CDH22: variants seen among roughly 807,000 people sequenced by gnomAD.
The protein encoded by CDH22 is cadherin 22, also known as cadherin-22.
Under a neutral mutation model 58.4 loss-of-function variants are expected in CDH22, and 30 were observed. The ratio of observed to expected loss-of-function variants is 0.51; its 90% confidence interval spans 0.38 to 0.70. CDH22 has a LOEUF of 0.70. CDH22 is among the 30% of genes least tolerant of loss of function. The pLI is 0.00. For synonymous variants in CDH22, 513 were observed against 558.2 expected, an observed-to-expected ratio of 0.92 and a Z score of 1.14; for missense variants, 1,014 against 1,233.9, an observed-to-expected ratio of 0.82 and a Z score of 2.67.
chr20:46,187,577 C>T (rs941804065), intron 8 of CDH22, among the ~76,000 whole-genome samples: 11 of 152,034 alleles, frequency 7.2e-5, no homozygotes, highest in Non-Finnish European at 1.3e-4. Context: ...ACCCTCACCA[C>T]CACCACCAAC....
At chr20:46,302,320 C>G (rs2086655848) in intron 1 of CDH22, among the ~76,000 whole-genome samples, 1 of 152,138 alleles carries the variant, frequency 6.6e-6, no homozygotes, top group African/African-American at 2.4e-5. Flanking sequence ...GGTTTGGCAG[C>G]ATCCCTGGCC....
At chr20:46,283,133 G>A (rs2086558478) in intron 1 of CDH22, among the ~76,000 whole-genome samples, 1 of 152,250 alleles carries the variant, frequency 6.6e-6, no homozygotes, top group Non-Finnish European at 1.5e-5. Flanking sequence ...GTTATGGCAA[G>A]AAGCATAACT....
chr20:46,242,771 G>A (rs2086301395), intron 2 of CDH22, among the ~76,000 whole-genome samples: 1 of 152,146 alleles, frequency 6.6e-6, no homozygotes, highest in Admixed American at 6.5e-5. Context: ...TGTACTACCT[G>A]GAAATAAGCC....
At chr20:46,292,978 A>G (rs969649083) in intron 1 of CDH22, among the ~76,000 whole-genome samples, 3 of 151,730 alleles carry the variant, frequency 2.0e-5, no homozygotes, top group Non-Finnish European at 2.9e-5. Flanking sequence ...CTAGACTGAA[A>G]GAGTCCTTGC....
intron 10 of CDH22, among the ~76,000 whole-genome samples, chr20:46,181,890 C>T (rs1320471782): frequency 6.6e-6 from 1 of 151,320 alleles, no homozygotes; most frequent in East Asian, 1.9e-4. Context: ...AATCTTGGCT[C>T]ACTACAACCT....
intron 1 of CDH22, among the ~76,000 whole-genome samples, chr20:46,280,468 G>T (rs2145766637): frequency 6.6e-6 from 1 of 152,306 alleles, no homozygotes; most frequent in Middle Eastern, 3.4e-3. Flanking sequence ...GGCCGTTGTT[G>T]TCATTAGGAT....
intron 1 of CDH22, among the ~76,000 whole-genome samples, chr20:46,271,792 C>T (rs12624934): frequency 0.04 from 6,062 of 152,326 alleles, 262 homozygotes; most frequent in East Asian, 0.21. Flanking sequence ...GCAGACTCCT[C>T]ACTCTTTCCC....
chr20:46,212,926 G>T, intron 6 of CDH22, 69 bp downstream of exon 6: 1 of 1,353,936 alleles, frequency 7.4e-7, no homozygotes, highest in Non-Finnish European at 1.0e-6. Flanking sequence ...GTATTCGGCT[G>T]CCCAGAGGCC....
In CDH22 at chr20:46,241,150, G is replaced by A; in HGVS notation, c.363C>T (p.Ala121=). The change falls in exon 3 of 12, where the codon GCC becomes GCT. Residue 121 remains alanine (A), a synonymous_variant. Transcript: ENST00000537909. The surrounding 1 kb of genome is among the most constrained non-coding windows in gnomAD (Gnocchi z 5.2). ...LIDELTGDIH[A]MERLDREQKT... is the part of the protein sequence containing the mutation. ...TCTGCTCGCGGTCCAGGCGCTCCAT[G>A]GCATGAATGTCGCCTGTCAGCTCGT... 6.2e-7 allele frequency: 1 copy of A among 1,614,192 alleles called. No individual in the cohort carries two copies. The highest frequency in any genetic ancestry group is 2.2e-5 in the East Asian group (1 of 44,882).
intron 1 of CDH22, among the ~76,000 whole-genome samples, chr20:46,269,014 C>T (rs1357776050): frequency 6.6e-6 from 1 of 152,204 alleles, no homozygotes; most frequent in African/African-American, 2.4e-5. Flanking sequence ...TCACTCCTCT[C>T]TGGCAGGCCT....
chr20:46,187,078 A>T, intron 8 of CDH22, 131 bp from the exon 9 acceptor site: 3 of 873,866 alleles, frequency 3.4e-6, no homozygotes, highest in Non-Finnish European at 5.2e-6. Flanking sequence ...AAGCTGGTAC[A>T]AGGACCAGAA....
At chr20:46,200,177 T>G (rs1354469235) in intron 7 of CDH22, among the ~76,000 whole-genome samples, 2 of 151,416 alleles carry the variant, frequency 1.3e-5, no homozygotes, top group Non-Finnish European at 2.9e-5. Context: ...GGTTTCACCG[T>G]GTTAGCCAGG....
At chr20:46,209,311 G>A (rs1483839587) in intron 7 of CDH22, among the ~76,000 whole-genome samples, 7 of 152,198 alleles carry the variant, frequency 4.6e-5, no homozygotes, top group African/African-American at 9.7e-5. Flanking sequence ...GCAGATGAGC[G>A]TGGTGTGTTT....
chr20:46,279,264 C>T (rs1010544839), intron 1 of CDH22, among the ~76,000 whole-genome samples: 2 of 152,078 alleles, frequency 1.3e-5, no homozygotes, highest in Non-Finnish European at 2.9e-5. Context: ...GCTGAAAACG[C>T]AAAAAACTCA....
intron 2 of CDH22, among the ~76,000 whole-genome samples, chr20:46,246,696 G>A (rs2086331696): frequency 1.3e-5 from 2 of 152,130 alleles, no homozygotes; most frequent in East Asian, 1.9e-4. Context: ...GGAGCCTGGC[G>A]GTGAGTGATG....
In CDH22 at chr20:46,266,806, C is replaced by T. The variant is rs918833325; in HGVS notation, c.-399-15113G>A. 3.9e-5 allele frequency among the ~76,000 whole-genome samples: 6 copies of T among 152,036 alleles called. No individual in the cohort carries two copies. In the East Asian group the frequency reaches 7.8e-4, roughly 20 times the overall value. Reference sequence around the variant, plus strand: ...GGCTCATCAGAGGACAGGGTCATGCCGGTGTATAGCAAGGTGAGGCTTGTT... The same window carrying T: ...GGCTCATCAGAGGACAGGGTCATGCTGGTGTATAGCAAGGTGAGGCTTGTT... On this transcript the variant is annotated intron_variant, in intron 1 of 11. Transcript: ENST00000537909.
chr20:46,275,615 T>A (rs2086513642), intron 1 of CDH22, among the ~76,000 whole-genome samples: 1 of 152,206 alleles, frequency 6.6e-6, no homozygotes, highest in Non-Finnish European at 1.5e-5. Context: ...CATAGAATAG[T>A]ACCTGGCATG....
intron 7 of CDH22, among the ~76,000 whole-genome samples, chr20:46,202,110 T>C (rs2085965507): frequency 6.6e-6 from 1 of 152,098 alleles, no homozygotes; most frequent in Non-Finnish European, 1.5e-5. Flanking sequence ...CCAAGTATGG[T>C]TGTGCAGGTT....
chr20:46,305,936 C>T (rs1289597541), intron 1 of CDH22, among the ~76,000 whole-genome samples: 3 of 152,248 alleles, frequency 2.0e-5, no homozygotes, highest in African/African-American at 7.2e-5. Flanking sequence ...GGGTTCCAAC[C>T]TCTAGGTATG....
Sources: allele counts gnomAD v4.1 joint callset (sites outside exome capture counted in the v4.1 genomes callset), GRCh38; gene constraint gnomAD v4.1.1; non-coding constraint Gnocchi (gnomAD v3.1); transcripts MANE v1.5; gene names NCBI Gene and HGNC (gene_info 2026-07-23, HGNC 2026-07-21).